The following ELMO1 variants were observed in gnomAD, a reference collection of about 807,000 sequenced individuals.
The protein encoded by ELMO1 is engulfment and cell motility protein 1.
Under a neutral mutation model 98.9 loss-of-function variants are expected in ELMO1, and 26 were observed. That is an observed-to-expected ratio of 0.26 (90% CI 0.19 to 0.36). ELMO1 has a LOEUF of 0.36. ELMO1 is among the 10% of genes least tolerant of loss of function. The pLI, the probability that ELMO1 is intolerant of heterozygous loss-of-function variation, is 1.00. For synonymous variants in ELMO1, 346 were observed against 346.0 expected (o/e 1.00, Z 0.00); for missense variants, 627 against 935.2 (o/e 0.67, Z 4.30).
intron 8 of ELMO1, among the ~76,000 whole-genome samples, chr7:37,229,219 T>C (rs1794032125): frequency 6.6e-6 from 1 of 152,208 alleles, no homozygotes; most frequent in Non-Finnish European, 1.5e-5. Context: ...TATGAAACTT[T>C]CCTTCCAAAA....
intron 2 of ELMO1, among the ~76,000 whole-genome samples, chr7:37,338,641 C>T (rs1236359605): frequency 1.3e-5 from 2 of 152,126 alleles, no homozygotes; most frequent in East Asian, 3.9e-4. Context: ...GTTTGGGATT[C>T]CAGACTCTTG....
chr7:37,118,081 G>A (rs998801453), intron 14 of ELMO1, among the ~76,000 whole-genome samples: 1 of 152,356 alleles, frequency 6.6e-6, no homozygotes, highest in African/African-American at 2.4e-5. Flanking sequence ...TCATAGTTAA[G>A]TTTAATTGCA....
At chr7:37,176,346 A>G (rs529619572) in intron 13 of ELMO1, among the ~76,000 whole-genome samples, 64 of 152,312 alleles carry the variant, frequency 4.2e-4, no homozygotes, top group African/African-American at 1.3e-3. Context: ...ATAAATGACA[A>G]TGTGCTAAAA....
chr7:36,870,264 G>A lies in ELMO1; in HGVS notation c.1905+129C>T. On this transcript the variant is annotated intron_variant, in intron 20 of 21. Transcript: ENST00000310758. This position sits in a 1 kb window ranked among gnomAD's most constrained non-coding sequence, Gnocchi z 4.4. ...AGGAATCGGGACAGGAAACAGGAGA[G>A]CTGAATAAGAGATGTGTGTCTGAAC... 1.4e-6 allele frequency: 1 copy of A among 709,026 alleles called. No homozygotes were observed. The highest frequency in any genetic ancestry group is 2.7e-5 in the East Asian group (1 of 37,404). The allele number at this position is 709,026 out of a possible 1,614,324, so 43.9% of individuals were successfully genotyped here. A position where few individuals can be genotyped will look rare whatever the true frequency, so the allele number is the denominator to read the frequency against.
chr7:37,283,334 G>GC (rs1205255472), intron 4 of ELMO1, among the ~76,000 whole-genome samples: 8 of 152,158 alleles, frequency 5.3e-5, no homozygotes, highest in Non-Finnish European at 1.0e-4. Flanking sequence ...AAAAAAAGCA[G>GC]CCCCCTGTCC....
At chr7:37,048,681 G>C (rs1795933168) in intron 15 of ELMO1, among the ~76,000 whole-genome samples, 1 of 152,180 alleles carries the variant, frequency 6.6e-6, no homozygotes, top group Admixed American at 6.5e-5. Flanking sequence ...CTAAACACTT[G>C]TTTAAACACG....
intron 16 of ELMO1, chr7:36,985,175 C>T (rs1354122808): frequency 2.2e-6 from 2 of 918,754 alleles, no homozygotes; most frequent in African/African-American, 3.6e-5. Context: ...TAGCTCAGAG[C>T]ATCCCTTTCC....
intron 4 of ELMO1, among the ~76,000 whole-genome samples, chr7:37,288,263 T>C (rs1161751413): frequency 1.3e-5 from 2 of 151,988 alleles, no homozygotes; most frequent in East Asian, 3.9e-4. Flanking sequence ...TCACTCTTGT[T>C]CCCCAGGCTG....
At chr7:37,154,776 A>T (rs995543281) in intron 13 of ELMO1, among the ~76,000 whole-genome samples, 2 of 152,220 alleles carry the variant, frequency 1.3e-5, no homozygotes, top group Admixed American at 1.3e-4. Context: ...CAATCTAGCA[A>T]GGCAGGCCAA....
At chr7:36,957,344 G>A (rs78703375) in intron 16 of ELMO1, among the ~76,000 whole-genome samples, 30,821 of 151,218 alleles carry the variant, frequency 0.2, 2,153 homozygotes, top group African/African-American at 0.35. Context: ...CCAGACCACC[G>A]CCCTTTTTAC....
At chr7:37,033,627 A>T (rs998034033) in intron 15 of ELMO1, among the ~76,000 whole-genome samples, 23 of 152,172 alleles carry the variant, frequency 1.5e-4, no homozygotes, top group African/African-American at 5.6e-4. Context: ...TATCTGATGA[A>T]ATGAGGCAAA....
intron 13 of ELMO1, among the ~76,000 whole-genome samples, chr7:37,208,666 A>C (rs1171174676): frequency 6.6e-6 from 1 of 152,194 alleles, no homozygotes; most frequent in East Asian, 1.9e-4. Context: ...TAGGTGGTGC[A>C]ATGACCATGC....
intron 6 of ELMO1, among the ~76,000 whole-genome samples, chr7:37,248,880 G>A (rs963308110): frequency 7.9e-5 from 12 of 152,342 alleles, no homozygotes; most frequent in Admixed American, 7.8e-4. Flanking sequence ...TGTCCTTGGA[G>A]GTTAACAAAG....
intron 13 of ELMO1, among the ~76,000 whole-genome samples, chr7:37,210,607 A>T (rs969023434): frequency 6.6e-6 from 1 of 151,748 alleles, no homozygotes; most frequent in Non-Finnish European, 1.5e-5. Context: ...AGACACACAC[A>T]TACAGATATA....
At chr7:37,203,413 T>C (rs866925755) in intron 13 of ELMO1, among the ~76,000 whole-genome samples, 1 of 152,146 alleles carries the variant, frequency 6.6e-6, no homozygotes, top group African/African-American at 2.4e-5. Context: ...CTTATATGAA[T>C]AGGAAGGATA....
At chr7:36,910,357 G>A (rs1185512200) in intron 16 of ELMO1, among the ~76,000 whole-genome samples, 1 of 152,204 alleles carries the variant, frequency 6.6e-6, no homozygotes, top group East Asian at 1.9e-4. Context: ...GTGATTCAAA[G>A]GAGGAAAGAC....
intron 15 of ELMO1, among the ~76,000 whole-genome samples, chr7:37,049,863 C>T (rs988374628): frequency 1.2e-4 from 18 of 151,422 alleles, no homozygotes; most frequent in African/African-American, 4.1e-4. Context: ...CCACAACCTC[C>T]GACTCCCAGG....
intron 1 of ELMO1, among the ~76,000 whole-genome samples, chr7:37,349,175 T>C (rs1801145540): frequency 1.3e-5 from 2 of 152,198 alleles, no homozygotes; most frequent in African/African-American, 4.8e-5. Context: ...CCTCAGCCCC[T>C]TCCTTCCTCA....
chr7:37,426,559 A>AGACG (rs1804716237), intron 1 of ELMO1, among the ~76,000 whole-genome samples: 1 of 152,174 alleles, frequency 6.6e-6, no homozygotes, highest in African/African-American at 2.4e-5. Flanking sequence ...CACTCACAAG[A>AGACG]GACGCTCTGT....
Sources: gnomAD v4.1 joint callset for allele counts (sites outside exome capture counted in the v4.1 genomes callset) on GRCh38, gnomAD v4.1.1 for gene constraint, Gnocchi (gnomAD v3.1) non-coding constraint, MANE v1.5 for transcripts, NCBI Gene and HGNC (gene_info 2026-07-23, HGNC 2026-07-21) for gene names.